The following CDH13 variants were observed in gnomAD, a reference collection of about 807,000 sequenced individuals.
CDH13 encodes cadherin-13.
A neutral mutation model predicts 63.8 loss-of-function variants in CDH13; 24 were observed. The ratio of observed to expected loss-of-function variants is 0.38; its 90% confidence interval spans 0.27 to 0.53. CDH13 has a LOEUF of 0.53. Among genes scored for constraint, CDH13 ranks in the 20% least tolerant of loss-of-function variants. The pLI, the probability that CDH13 is intolerant of heterozygous loss-of-function variation, is 0.85. For missense variants in CDH13, 1,049 were observed against 903.1 expected (o/e 1.16, Z -2.07); for synonymous variants, 503 against 355.3 (o/e 1.42, Z -4.67).
At chr16:83,766,216 T>A (rs1010249858) in intron 11 of CDH13, among the ~76,000 whole-genome samples, 1 of 152,124 alleles carries the variant, frequency 6.6e-6, no homozygotes, top group Non-Finnish European at 1.5e-5. Flanking sequence ...AAGGGTTAGA[T>A]TAGGAAGGAT....
intron 5 of CDH13, among the ~76,000 whole-genome samples, chr16:83,244,900 G>A (rs1001512435): frequency 6.6e-6 from 1 of 152,078 alleles, no homozygotes; most frequent in Non-Finnish European, 1.5e-5. Flanking sequence ...TGCCTGATAG[G>A]TTCCAAATCC....
At chr16:83,290,203 T>C (rs2089432540) in intron 5 of CDH13, among the ~76,000 whole-genome samples, 1 of 152,204 alleles carries the variant, frequency 6.6e-6, no homozygotes, top group Non-Finnish European at 1.5e-5. Context: ...CTAACCACAT[T>C]CAATTCTATT....
At chr16:83,146,830 G>A (rs940709369) in intron 4 of CDH13, among the ~76,000 whole-genome samples, 1 of 152,212 alleles carries the variant, frequency 6.6e-6, no homozygotes, top group Non-Finnish European at 1.5e-5. Flanking sequence ...GCTCACGCCT[G>A]TAATTCCAGC....
intron 2 of CDH13, among the ~76,000 whole-genome samples, chr16:82,888,846 A>G (rs1330527703): frequency 1.3e-5 from 2 of 152,164 alleles, no homozygotes; most frequent in African/African-American, 4.8e-5. Context: ...TGTTTTCTAT[A>G]GTCTGTCTTG....
At chr16:82,956,094 A>G (rs768889083) in intron 2 of CDH13, among the ~76,000 whole-genome samples, 2 of 151,986 alleles carry the variant, frequency 1.3e-5, no homozygotes, top group Non-Finnish European at 2.9e-5. Flanking sequence ...ACCCAGCCCC[A>G]GACTTTTTTT....
intron 1 of CDH13, among the ~76,000 whole-genome samples, chr16:82,822,823 C>G (rs2038065782): frequency 6.6e-6 from 1 of 152,168 alleles, no homozygotes; most frequent in Admixed American, 6.5e-5. Context: ...CAAATTAGTG[C>G]CTTAAAATGT....
At chr16:83,460,995 G>GCACACACACACACA (rs35631596) in intron 6 of CDH13, among the ~76,000 whole-genome samples, 6 of 147,808 alleles carry the variant, frequency 4.1e-5, no homozygotes, top group Middle Eastern at 3.2e-3. Flanking sequence ...ACACACACAC[G>GCACACACACACACA]CACACACACA....
intron 7 of CDH13, among the ~76,000 whole-genome samples, chr16:83,555,744 A>C (rs948548967): frequency 2.0e-5 from 3 of 152,228 alleles, no homozygotes; most frequent in African/African-American, 4.8e-5. Context: ...TCAGATTTTA[A>C]GCAGAATATA....
At chr16:83,414,288 A>G (rs543266094) in intron 6 of CDH13, among the ~76,000 whole-genome samples, 7 of 152,328 alleles carry the variant, frequency 4.6e-5, no homozygotes, top group African/African-American at 1.7e-4. Context: ...TAATTCATAT[A>G]CTGTATAATT....
At chr16:83,154,623 T>C (rs1452534312) in intron 4 of CDH13, among the ~76,000 whole-genome samples, 1 of 151,884 alleles carries the variant, frequency 6.6e-6, no homozygotes, top group African/African-American at 2.4e-5. Context: ...TAGGAGGCCG[T>C]AGTGTTACTG....
chr16:83,365,596 G>A (rs950485860), intron 6 of CDH13, among the ~76,000 whole-genome samples: 1 of 152,166 alleles, frequency 6.6e-6, no homozygotes, highest in African/African-American at 2.4e-5. Context: ...CTTTCTTAGT[G>A]TAATTAAGGT....
chr16:83,141,295 C>G (rs1021377257), intron 4 of CDH13, among the ~76,000 whole-genome samples: 2 of 152,126 alleles, frequency 1.3e-5, no homozygotes, highest in African/African-American at 4.8e-5. Flanking sequence ...GCCCTTTTGC[C>G]TACACCCAGT....
rs538857987 is a variant in CDH13 at position 83,480,104 on chromosome 16, C to G, written c.782-6373C>G. 1.2e-4 allele frequency among the ~76,000 whole-genome samples: 19 copies of G among 152,240 alleles called. No homozygotes were observed. In the East Asian group the frequency reaches 3.5e-3, roughly 28 times the overall value. ...CTTTGGGAGGACAACGTGGGCAGAT[C>G]GCTTGACTCCAGGGGTTCAAGACCA... On this transcript the variant is annotated intron_variant, in intron 6 of 13. Transcript: ENST00000567109.
chr16:83,599,531 G>A (rs569777692), intron 7 of CDH13, among the ~76,000 whole-genome samples: 1 of 152,126 alleles, frequency 6.6e-6, no homozygotes, highest in Admixed American at 6.5e-5. Context: ...TTAAAAAGCA[G>A]CCAAAATGTA....
chr16:82,959,021 A>T (rs1906551932), intron 2 of CDH13, among the ~76,000 whole-genome samples: 1 of 152,264 alleles, frequency 6.6e-6, no homozygotes, highest in Admixed American at 6.5e-5. Flanking sequence ...TACATCAGAC[A>T]GTATTTTGGC....
chr16:82,684,313 C>T (rs1230444199), intron 1 of CDH13, among the ~76,000 whole-genome samples: 1 of 152,116 alleles, frequency 6.6e-6, no homozygotes, highest in African/African-American at 2.4e-5. Context: ...CCTTTAAGGG[C>T]CCCTATGAAT....
chr16:82,832,665 C>T (rs1303809461), intron 1 of CDH13, among the ~76,000 whole-genome samples: 1 of 151,084 alleles, frequency 6.6e-6, no homozygotes, highest in Non-Finnish European at 1.5e-5. Context: ...TGAAACAAAA[C>T]AAAATATAGC....
chr16:83,564,034 C>T (rs1011003333), intron 7 of CDH13, among the ~76,000 whole-genome samples: 6 of 152,172 alleles, frequency 3.9e-5, no homozygotes, highest in Admixed American at 2.6e-4. Flanking sequence ...GGATGTAGTA[C>T]CTTCCTCACA....
intron 4 of CDH13, among the ~76,000 whole-genome samples, chr16:83,140,753 C>A (rs1238906341): frequency 1.3e-5 from 2 of 152,214 alleles, no homozygotes; most frequent in African/African-American, 2.4e-5. Context: ...CTGCACCCGG[C>A]CGATCTGATG....
Sources: gnomAD v4.1 joint callset for allele counts (sites outside exome capture counted in the v4.1 genomes callset) on GRCh38, gnomAD v4.1.1 for gene constraint, MANE v1.5 for transcripts, NCBI Gene and HGNC (gene_info 2026-07-23, HGNC 2026-07-21) for gene names.